The following RANBP2 variants were observed in gnomAD, a reference collection of about 807,000 sequenced individuals.
RANBP2 encodes the protein RAN binding protein 2.
RANBP2 carries 57 observed loss-of-function variants against 303.6 expected under a neutral mutation model. That is an observed-to-expected ratio of 0.19 (90% CI 0.15 to 0.23). The LOEUF (loss-of-function observed/expected upper bound fraction) is 0.23, where lower values mean the gene tolerates loss of function less well. RANBP2 is among the 10% of genes least tolerant of loss of function. The pLI is 1.00. For missense variants in RANBP2, 3,138 were observed against 3,780.8 expected (o/e 0.83, Z 4.46); for synonymous variants, 1,167 against 1,301.5 (o/e 0.90, Z 2.23).
the RANBP2 span, among the ~76,000 whole-genome samples, chr2:109,069,698 A>G: frequency 2.0e-5 from 3 of 152,204 alleles, no homozygotes; most frequent in Non-Finnish European, 2.9e-5. Context: ...ATGAATGTAA[A>G]TATTATTTAC....
At chr2:108,734,391 A>G (rs1695405371) in intron 4 of RANBP2, among the ~76,000 whole-genome samples, 1 of 152,128 alleles carries the variant, frequency 6.6e-6, no homozygotes, top group African/African-American at 2.4e-5. Context: ...ATTTTGTTTT[A>G]GGCAGCACCA....
chr2:109,670,919 T>C, the RANBP2 span, among the ~76,000 whole-genome samples: 2 of 152,186 alleles, frequency 1.3e-5, no homozygotes, highest in African/African-American at 4.8e-5. Context: ...GCCCAGTGGT[T>C]CCTGTGGCTT....
chr2:109,107,476 A>G, the RANBP2 span, among the ~76,000 whole-genome samples: 1 of 152,150 alleles, frequency 6.6e-6, no homozygotes, highest in East Asian at 1.9e-4. Flanking sequence ...TGCTTCCGGC[A>G]TCTCTGGAAG....
chr2:109,465,370 G>A, the RANBP2 span, among the ~76,000 whole-genome samples: 4 of 152,150 alleles, frequency 2.6e-5, no homozygotes, highest in Admixed American at 6.5e-5. Flanking sequence ...TGCTGAGGTC[G>A]GTAAAAGTAC....
chr2:108,873,353 A>G, the RANBP2 span: 2 of 1,082,828 alleles, frequency 1.8e-6, no homozygotes, highest in Non-Finnish European at 2.5e-6. Flanking sequence ...ATCTAAATGA[A>G]TATTTATAAA....
the RANBP2 span, among the ~76,000 whole-genome samples, chr2:109,318,535 G>C: frequency 6.6e-6 from 1 of 152,234 alleles, no homozygotes; most frequent in African/African-American, 2.4e-5. Context: ...CGCTGTGAGA[G>C]AACTGTGGTT....
the RANBP2 span, among the ~76,000 whole-genome samples, chr2:109,274,663 G>A: frequency 6.6e-6 from 1 of 152,198 alleles, no homozygotes; most frequent in Non-Finnish European, 1.5e-5. Flanking sequence ...CTTCACGGGG[G>A]TAGGGCTTTA....
chr2:109,733,203 T>A, the RANBP2 span: 67 of 421,094 alleles, frequency 1.6e-4, no homozygotes, highest in Middle Eastern at 1.8e-3. Flanking sequence ...AAAAGCTGAC[T>A]CCATCTGCTA....
the RANBP2 span, among the ~76,000 whole-genome samples, chr2:109,322,561 A>G: frequency 6.6e-6 from 1 of 152,244 alleles, no homozygotes; most frequent in Non-Finnish European, 1.5e-5. Context: ...GTGTGCACTG[A>G]TTTTGAGAGT....
the RANBP2 span, among the ~76,000 whole-genome samples, chr2:109,398,187 C>T: frequency 6.6e-6 from 1 of 152,200 alleles, no homozygotes; most frequent in Non-Finnish European, 1.5e-5. Context: ...GGCTGGGAAC[C>T]TGCTGTCATG....
the RANBP2 span, among the ~76,000 whole-genome samples, chr2:109,392,262 C>A: frequency 6.6e-6 from 1 of 152,200 alleles, no homozygotes; most frequent in African/African-American, 2.4e-5. Flanking sequence ...CCTCCTCGTA[C>A]TCTGCAGTGA....
the RANBP2 span, chr2:109,667,209 A>T: frequency 8.5e-7 from 1 of 1,181,978 alleles, no homozygotes; most frequent in East Asian, 2.4e-5. Context: ...GCCATTTAAG[A>T]ACAAGCCCAA....
chr2:109,000,811 C>T, the RANBP2 span, among the ~76,000 whole-genome samples: 1 of 152,168 alleles, frequency 6.6e-6, no homozygotes, highest in Non-Finnish European at 1.5e-5. Flanking sequence ...TTATCCATCA[C>T]CTCATTGAGA....
the RANBP2 span, among the ~76,000 whole-genome samples, chr2:109,190,277 G>T: frequency 6.6e-6 from 1 of 152,070 alleles, no homozygotes; most frequent in African/African-American, 2.4e-5. Flanking sequence ...GGGTTCAAGT[G>T]ATTCTTCTGC....
the RANBP2 span, among the ~76,000 whole-genome samples, chr2:109,370,225 CTG>C: frequency 5.0e-5 from 7 of 139,566 alleles, no homozygotes; most frequent in South Asian, 6.5e-4. Flanking sequence ...GTCTCTGTCT[CTG>C]TCTCTCTCTC....
the RANBP2 span, chr2:109,667,981 G>A: frequency 5.9e-6 from 1 of 170,192 alleles, no homozygotes. Flanking sequence ...CCAGTCTGAA[G>A]AGGGCTGAGG....
chr2:109,497,579 G>C, the RANBP2 span, among the ~76,000 whole-genome samples: 3 of 152,218 alleles, frequency 2.0e-5, no homozygotes, highest in Non-Finnish European at 2.9e-5. Flanking sequence ...TGTGACCTGG[G>C]AGTAGCTGTC....
At chr2:109,455,999 T>C in the RANBP2 span, among the ~76,000 whole-genome samples, 1 of 152,234 alleles carries the variant, frequency 6.6e-6, no homozygotes, top group Non-Finnish European at 1.5e-5. Flanking sequence ...AGGGGAGACC[T>C]GCCCTGCAGC....
At chr2:109,030,657 C>A in the RANBP2 span, among the ~76,000 whole-genome samples, 1 of 152,170 alleles carries the variant, frequency 6.6e-6, no homozygotes, top group Non-Finnish European at 1.5e-5. Flanking sequence ...TACCTAGGAC[C>A]AGCTTGGGGC....
Sources: gnomAD v4.1 joint callset for allele counts (sites outside exome capture counted in the v4.1 genomes callset) on GRCh38, gnomAD v4.1.1 for gene constraint, MANE v1.5 for transcripts, NCBI Gene and HGNC (gene_info 2026-07-23, HGNC 2026-07-21) for gene names.